The following GP6 variants were observed in gnomAD, a reference collection of about 807,000 sequenced individuals.
GP6 encodes the protein platelet glycoprotein VI.
Under a neutral mutation model 37.3 loss-of-function variants are expected in GP6, and 45 were observed. The observed-to-expected ratio is 1.21, with a 90% CI of 0.95 to 1.55. GP6 has a LOEUF of 1.55. Ranked by LOEUF, GP6 falls within the 40% of genes most tolerant of loss-of-function variation. The pLI is 0.00. For missense variants in GP6, 813 were observed against 760.2 expected (o/e 1.07, Z -0.82); for synonymous variants, 340 against 316.4 (o/e 1.07, Z -0.79).
intron 5 of GP6, among the ~76,000 whole-genome samples, chr19:55,019,355 C>T (rs1214192643): frequency 6.6e-6 from 1 of 152,064 alleles, no homozygotes; most frequent in Non-Finnish European, 1.5e-5. Context: ...GTGATCCACC[C>T]TCCTTGGCCT....
rs994090813 is a variant in GP6, at chr19:55,018,870, C to T, written c.665-159G>A. The T allele has an allele frequency of 5.8e-5, 40 of 693,724 alleles. No homozygotes were observed. In the African/African-American group the frequency reaches 6.7e-4, roughly 12 times the overall value. 43.0% of individuals were successfully genotyped at this position (693,724 alleles called of 1,614,324 possible). A position where few individuals can be genotyped will look rare whatever the true frequency, so the allele number is the denominator to read the frequency against. Reference sequence around the variant, plus strand: ...CAAATTCGAAAGGTGTAAGACTTATCTTCCATGACCGGCTTAGTAAGAAGC... The same window carrying T: ...CAAATTCGAAAGGTGTAAGACTTATTTTCCATGACCGGCTTAGTAAGAAGC... On this transcript the variant is annotated intron_variant, in intron 5 of 7. Transcript: ENST00000310373.
intron 3 of GP6, among the ~76,000 whole-genome samples, chr19:55,028,171 GAGACAGTACAC>G (rs1367539429): frequency 1.3e-4 from 20 of 152,344 alleles, no homozygotes; most frequent in Non-Finnish European, 1.6e-4. Context: ...ATGACTGAAT[GAGACAGTACAC>G]AGTAATTTGC....
chr19:55,015,814 C>CA, intron 6 of GP6, 81 bp from the exon 7 acceptor site: 1 of 793,842 alleles, frequency 1.3e-6, no homozygotes, highest in Non-Finnish European at 2.3e-6. Context: ...AACACACACA[C>CA]ACATGGGGAG....
rs1210108089 is a variant in GP6 at position 55,027,679 on chromosome 19, A to G, written c.509T>C (p.Val170Ala). 7.4e-6 allele frequency: 12 copies of G among 1,612,724 alleles called. No individual in the cohort carries two copies. Among genetic ancestry groups the G allele is most frequent in the Non-Finnish European group, 9.3e-6 (11 of 1,178,826 alleles). Residue 170 changes from valine to alanine, a missense_variant, in exon 4 of 8, where the codon GTG becomes GCG. Val to Ala is a moderately conservative substitution (Grantham distance 64). Transcript: ENST00000310373. ...GTAGGTTCCGCTGTGGGCGGCGGTCACCGTGATGATGGGAAAACTAGCCCT... is the reference window on the plus strand; with the variant it reads ...GTAGGTTCCGCTGTGGGCGGCGGTCGCCGTGATGATGGGAAAACTAGCCCT...
At chr19:55,030,787 A>G (rs1385908082) in intron 3 of GP6, among the ~76,000 whole-genome samples, 3 of 152,242 alleles carry the variant, frequency 2.0e-5, no homozygotes, top group Non-Finnish European at 4.4e-5. Context: ...ATTAGTGGAA[A>G]GACTGGTGAA....
chr19:55,029,802 AGAGT>A (rs1321457425), intron 3 of GP6, among the ~76,000 whole-genome samples: 1 of 151,544 alleles, frequency 6.6e-6, no homozygotes, highest in East Asian at 1.9e-4. Flanking sequence ...TAGCGAGAAG[AGAGT>A]ATTTGAGTCT....
intron 5 of GP6, among the ~76,000 whole-genome samples, chr19:55,021,381 A>G (rs1389297833): frequency 6.6e-6 from 1 of 151,772 alleles, no homozygotes; most frequent in African/African-American, 2.4e-5. Context: ...AAAAAAAGGA[A>G]AAAGGATTTC....
intron 6 of GP6, among the ~76,000 whole-genome samples, chr19:55,016,127 G>GC (rs1289285043): frequency 6.6e-6 from 1 of 151,016 alleles, no homozygotes; most frequent in Non-Finnish European, 1.5e-5. Flanking sequence ...GGGAAACAGA[G>GC]CGAGACCCTG....
chr19:55,032,448 CCGCTGCTCCCG>C, intron 2 of GP6, 47 bp downstream of exon 2: 1 of 1,612,750 alleles, frequency 6.2e-7, no homozygotes, highest in Non-Finnish European at 8.5e-7. Context: ...CGCCTGGACC[CCGCTGCTCCCG>C]CGCTGGCGGA....
chr19:55,036,746 C>T (rs903952632), intron 1 of GP6, among the ~76,000 whole-genome samples: 2 of 150,790 alleles, frequency 1.3e-5, no homozygotes, highest in African/African-American at 4.9e-5. Flanking sequence ...GGTGCGGTGG[C>T]TCACGCCTGT....
intron 5 of GP6, among the ~76,000 whole-genome samples, chr19:55,023,991 C>T (rs1277331778): frequency 6.6e-6 from 1 of 152,100 alleles, no homozygotes. Context: ...AAGGGAGGCC[C>T]TTGTGAGACG....
chr19:55,030,527 G>A (rs938928858), intron 3 of GP6, among the ~76,000 whole-genome samples: 5 of 151,032 alleles, frequency 3.3e-5, no homozygotes, highest in Non-Finnish European at 5.9e-5. Context: ...TTTTTTAGTA[G>A]AGACGGGGTT....
chr19:55,015,031 C>T lies in GP6; in HGVS notation c.914G>A (p.Gly305Asp). ...AGGGGCGGAAGCGGCCTCTGCACAG[C>T]CCTGCCCCTGTGCCGCAGGCGCTTC... The change falls in exon 8 of 8, where the codon GGC becomes GAC. Residue 305 changes from glycine (G) to aspartate (D), a missense_variant. Transcript: ENST00000310373. 2.5e-6 allele frequency: 4 copies of T among 1,611,006 alleles called. No individual in the cohort carries two copies. The highest frequency in any genetic ancestry group is 3.4e-6 in the Non-Finnish European group (4 of 1,178,768).
intron 5 of GP6, among the ~76,000 whole-genome samples, chr19:55,019,154 G>A (rs1453994822): frequency 7.1e-6 from 1 of 141,034 alleles, no homozygotes; most frequent in East Asian, 2.0e-4. Context: ...TGCCCAGGCT[G>A]GAGTGCAGTG....
intron 7 of GP6, 136 bp from the exon 8 acceptor site, chr19:55,015,301 C>T: frequency 2.1e-6 from 3 of 1,412,306 alleles, no homozygotes; most frequent in Non-Finnish European, 2.9e-6. Flanking sequence ...TGGAGGGTCC[C>T]TCCCTTCCCG....
intron 5 of GP6, among the ~76,000 whole-genome samples, chr19:55,024,309 T>TGCACGCACACACAC (rs1357661954): frequency 2.3e-5 from 3 of 130,054 alleles, no homozygotes; most frequent in East Asian, 2.2e-4. Flanking sequence ...TGCACACACA[T>TGCACGCACACACAC]ATGCACGCAC....
chr19:55,027,672 G>C lies in GP6; in HGVS notation c.516C>G (p.Ala172=), dbSNP rs754483221. ...AGCATCGGTAGGTTCCGCTGTGGGC[G>C]GCGGTCACCGTGATGATGGGAAAAC... Residue 172 remains alanine (A), a synonymous_variant, in exon 4 of 8, where the codon GCC becomes GCG. Coordinates refer to ENST00000310373, the MANE Select transcript of GP6 (RefSeq NM_001083899.2). 1 of 1,612,176 alleles carries C rather than the reference G, an allele frequency of 6.2e-7. No homozygotes were observed. Among genetic ancestry groups the C allele is most frequent in the South Asian group, 1.1e-5 (1 of 91,042 alleles).
chr19:55,027,712 C>A lies in GP6; in HGVS notation c.476G>T (p.Arg159Ile). 6.2e-7 allele frequency: 1 copy of A among 1,613,624 alleles called. No individual in the cohort carries two copies. The highest frequency in any genetic ancestry group is 8.5e-7 in the Non-Finnish European group (1 of 1,179,496). ...GATGGGAAAACTAGCCCTGTACCAT[C>A]TCTCGGGATTCTTGTAGGGCGCAGG... is the stretch of plus-strand genomic sequence containing the variant. The change falls in exon 4 of 8, where the codon AGA (arginine) becomes ATA (isoleucine). Residue 159 changes from arginine (R) to isoleucine (I), a missense_variant. By Grantham distance (97) the Arg-to-Ile change is moderately conservative (BLOSUM62 -3). Coordinates refer to ENST00000310373, the MANE Select transcript of GP6 (RefSeq NM_001083899.2).
rs753409870 is a variant in GP6, at chr19:55,014,505, C to T, written c.1440G>A (p.Leu480=). 88 of 1,613,904 alleles carry T rather than the reference C, an allele frequency of 5.5e-5. No individual in the cohort carries two copies. Among genetic ancestry groups the T allele is most frequent in the Non-Finnish European group, 7.1e-5 (84 of 1,179,956 alleles). Residue 480 remains leucine, a synonymous_variant, in exon 8 of 8, where the codon CTG becomes CTA. Coordinates refer to ENST00000310373, the MANE Select transcript of GP6 (RefSeq NM_001083899.2). The stretch of plus-strand genomic sequence containing the variant: ...TTCTGGGGAAAACCAGACAAGAGCA[C>T]AGAGGGCCAAAGGGAAGCACGGGAG...
Sources: gnomAD v4.1 joint callset for allele counts (sites outside exome capture counted in the v4.1 genomes callset) on GRCh38, gnomAD v4.1.1 for gene constraint, MANE v1.5 for transcripts, NCBI Gene and HGNC (gene_info 2026-07-23, HGNC 2026-07-21) for gene names.